The following DAAM1 variants were observed in gnomAD, a reference collection of about 807,000 sequenced individuals.
DAAM1 encodes the protein disheveled-associated activator of morphogenesis 1.
In DAAM1, 52 loss-of-function variants were observed where a neutral mutation model predicts 130.0. That is an observed-to-expected ratio of 0.40 (90% CI 0.32 to 0.50). DAAM1 has a LOEUF of 0.50. DAAM1 is among the 20% of genes least tolerant of loss of function. The pLI is 0.61. For missense variants in DAAM1, 1,134 were observed against 1,303.8 expected, an observed-to-expected ratio of 0.87 and a Z score of 2.01; for synonymous variants, 452 against 444.5, an observed-to-expected ratio of 1.02 and a Z score of -0.21.
chr14:59,194,184 C>G (rs1338339034), intron 1 of DAAM1, among the ~76,000 whole-genome samples: 2 of 152,152 alleles, frequency 1.3e-5, no homozygotes, highest in Non-Finnish European at 2.9e-5. Context: ...CTCTGCAACT[C>G]GAGTTGGGGT....
intron 3 of DAAM1, chr14:59,291,510 C>CT (rs1168074555): frequency 3.8e-6 from 2 of 522,822 alleles, no homozygotes; most frequent in African/African-American, 3.9e-5. Flanking sequence ...TCTTTTCCAC[C>CT]TGTAACCATC....
At chr14:59,303,537 C>G (rs1330012540) in intron 3 of DAAM1, among the ~76,000 whole-genome samples, 3 of 152,124 alleles carry the variant, frequency 2.0e-5, no homozygotes, top group African/African-American at 7.2e-5. Context: ...TGATTGCTAG[C>G]TCTGAACAAT....
chr14:59,299,192 A>G (rs1884075051), intron 3 of DAAM1, among the ~76,000 whole-genome samples: 1 of 152,190 alleles, frequency 6.6e-6, no homozygotes, highest in African/African-American at 2.4e-5. Flanking sequence ...TCCAAACTAT[A>G]GTATGATGTA....
Position 59,326,610 on chromosome 14 carries a change from A to G in DAAM1, c.1275A>G (p.Thr425=). 5 of 1,613,768 alleles carry G rather than the reference A, an allele frequency of 3.1e-6. No homozygotes were observed. The highest frequency in any genetic ancestry group is 3.4e-6 in the Non-Finnish European group (4 of 1,179,920). Residue 425 remains threonine, a synonymous_variant, in exon 11 of 25, where the codon ACA becomes ACG. Transcript: ENST00000360909. The part of the protein sequence containing the change: ...QNDKGQDPDS[T]PLENFNIKNV... ...ACAAAGGACAGGACCCTGACTCCAC[A>G]CCTTTGGAAAACTTTAATATTAAGA...
intron 16 of DAAM1, among the ~76,000 whole-genome samples, chr14:59,346,138 TGGG>T (rs36023292): frequency 0.06 from 7,177 of 119,502 alleles, 415 homozygotes; most frequent in African/African-American, 0.16. Context: ...CCCTTTTTTT[TGGG>T]GGGGGGGGGG....
chr14:59,322,314 C>T (rs975012188), intron 5 of DAAM1, among the ~76,000 whole-genome samples: 2 of 151,774 alleles, frequency 1.3e-5, no homozygotes, highest in African/African-American at 2.4e-5. Flanking sequence ...AAGTTCAAGA[C>T]CAGTCTGGGC....
intron 3 of DAAM1, among the ~76,000 whole-genome samples, chr14:59,291,949 G>A (rs1339728313): frequency 6.6e-6 from 1 of 152,174 alleles, no homozygotes; most frequent in Non-Finnish European, 1.5e-5. Context: ...GAGATGGGGA[G>A]AATGGATATA....
chr14:59,297,987 G>A (rs577395889), intron 3 of DAAM1, among the ~76,000 whole-genome samples: 1 of 152,272 alleles, frequency 6.6e-6, no homozygotes, highest in East Asian at 1.9e-4. Flanking sequence ...AAAGAGGTAG[G>A]TGGACAGAAA....
intron 1 of DAAM1, among the ~76,000 whole-genome samples, chr14:59,231,290 C>T (rs765292335): frequency 2.0e-5 from 3 of 151,880 alleles, no homozygotes; most frequent in African/African-American, 7.3e-5. Flanking sequence ...CTTATATTTC[C>T]CCACCTTTGA....
intron 2 of DAAM1, among the ~76,000 whole-genome samples, chr14:59,281,162 T>A (rs1364906617): frequency 6.6e-6 from 1 of 152,140 alleles, no homozygotes; most frequent in Admixed American, 6.5e-5. Flanking sequence ...TCTTCCACCC[T>A]CGGGGGGTTG....
chr14:59,269,064 A>G (rs1256084059), intron 2 of DAAM1, among the ~76,000 whole-genome samples: 3 of 152,230 alleles, frequency 2.0e-5, no homozygotes, highest in South Asian at 2.1e-4. Flanking sequence ...TGATGTGTGC[A>G]TGTTAAGAGC....
chr14:59,331,252 C>T lies in DAAM1; in HGVS notation c.1604C>T (p.Ala535Val), dbSNP rs759125985. 6.2e-7 allele frequency: 1 copy of T among 1,613,026 alleles called. No individual in the cohort carries two copies. The highest frequency in any genetic ancestry group is 8.5e-7 in the Non-Finnish European group (1 of 1,179,996). ...ASIPGGPSPG[A>V]PGGPFPSSVP... ...ATCCCAGGTGGACCCTCGCCTGGAG[C>T]ACCAGGAGGGCCCTTTCCTTCCTCT... The change falls in exon 14 of 25, where the codon GCA becomes GTA. Residue 535 changes from alanine to valine, a missense_variant. Physicochemically the swap from Ala to Val is moderately conservative, Grantham distance 64. This residue lies in a region of DAAM1 where 644 missense variants were observed against 695.9 expected (regional missense o/e 0.93). Transcript: ENST00000360909.
At chr14:59,190,816 G>T (rs1313914614) in intron 1 of DAAM1, among the ~76,000 whole-genome samples, 1 of 152,108 alleles carries the variant, frequency 6.6e-6, no homozygotes, top group African/African-American at 2.4e-5. Flanking sequence ...TTTCGTCCCC[G>T]ACCCCAAAGT....
chr14:59,293,959 A>G (rs1342171119), intron 3 of DAAM1, among the ~76,000 whole-genome samples: 1 of 152,204 alleles, frequency 6.6e-6, no homozygotes, highest in Admixed American at 6.5e-5. Context: ...TCTCTCGCCT[A>G]GCCTTTTCAA....
chr14:59,204,816 G>C (rs1888211656), intron 1 of DAAM1, among the ~76,000 whole-genome samples: 1 of 152,198 alleles, frequency 6.6e-6, no homozygotes, highest in South Asian at 2.1e-4. Flanking sequence ...TGGGTCACTT[G>C]AGGTCAGGAG....
At chr14:59,196,439 T>C (rs1483728201) in intron 1 of DAAM1, among the ~76,000 whole-genome samples, 1 of 152,194 alleles carries the variant, frequency 6.6e-6, no homozygotes, top group African/African-American at 2.4e-5. Flanking sequence ...CAGAATGTAC[T>C]ACAAAATTAA....
rs398025271 is a variant in DAAM1, at chr14:59,370,144, CTTTTTTTTTTTTTTTT to C, written c.*1296_*1311del. 4.2e-5 allele frequency: 4 copies of C among 95,376 alleles called. No individual in the cohort carries two copies. In the South Asian group the frequency reaches 1.8e-3, roughly 44 times the overall value. 5.9% of individuals were successfully genotyped at this position (95,376 alleles called of 1,614,324 possible). On this transcript the variant is annotated 3_prime_UTR_variant, in exon 25 of 25. Transcript: ENST00000360909. ...TATAAAGAGGACTGTTACTTTTTTA[CTTTTTTTTTTTTTTTT>C]TTTTTTTTTTGGCTTTGCTTTATTT...
At chr14:59,358,607 C>G (rs1410285022) in intron 20 of DAAM1, among the ~76,000 whole-genome samples, 2 of 152,078 alleles carry the variant, frequency 1.3e-5, no homozygotes, top group African/African-American at 4.8e-5. Flanking sequence ...CTTTGGGAGG[C>G]CGAGGCGGGT....
rs527581438 is a variant in DAAM1, at chr14:59,315,940, T to C, written c.345+589T>C. Reference sequence around the variant, plus strand: ...ATGGATTGTTGGTTCAGTAATTGCTTAATATGTATTCTCAATGCCTAAAAT... The same window carrying C: ...ATGGATTGTTGGTTCAGTAATTGCTCAATATGTATTCTCAATGCCTAAAAT... On this transcript the variant is annotated intron_variant, in intron 4 of 24. Transcript: ENST00000360909. Among the ~76,000 whole-genome samples the C allele has an allele frequency of 5.9e-5, 9 of 152,334 alleles. No individual in the cohort carries two copies. In the East Asian group the frequency reaches 1.7e-3, roughly 29 times the overall value.
Sources: gnomAD v4.1 joint callset for allele counts (sites outside exome capture counted in the v4.1 genomes callset) on GRCh38, gnomAD v4.1.1 for gene constraint, gnomAD v4.1.1 regional missense constraint, MANE v1.5 for transcripts, NCBI Gene and HGNC (gene_info 2026-07-23, HGNC 2026-07-21) for gene names.